The following NEBL variants were observed in gnomAD, a reference collection of about 807,000 sequenced individuals.
NEBL encodes the protein LIM and SH3 protein 2.
NEBL carries 122 observed loss-of-function variants against 140.2 expected under a neutral mutation model. That is an observed-to-expected ratio of 0.87 (90% CI 0.75 to 1.01). The LOEUF is 1.01. Ranked by LOEUF, NEBL falls within the 50% of genes least tolerant of loss-of-function variation. The pLI, the probability that NEBL is intolerant of heterozygous loss-of-function variation, is 0.00. For missense variants in NEBL, 1,365 were observed against 1,231.3 expected (o/e 1.11, Z -1.62); for synonymous variants, 436 against 398.9 (o/e 1.09, Z -1.11).
chr10:21,202,884 A>G (rs996560017), intron 3 of NEBL, among the ~76,000 whole-genome samples: 2 of 152,252 alleles, frequency 1.3e-5, no homozygotes, highest in Non-Finnish European at 2.9e-5. Flanking sequence ...ACTAAGTACT[A>G]GTAGCATCAG....
chr10:21,020,068 T>C, intron 3 of NEBL: 2 of 1,486,272 alleles, frequency 1.3e-6, no homozygotes, highest in East Asian at 4.5e-5. Flanking sequence ...AGCAGCCTTG[T>C]GAAAAATCTT....
At chr10:20,940,766 C>T (rs1289528139) in intron 4 of NEBL, among the ~76,000 whole-genome samples, 4 of 151,700 alleles carry the variant, frequency 2.6e-5, no homozygotes, top group Non-Finnish European at 5.9e-5. Context: ...CACCACCAAT[C>T]CCACAGAAAT....
chr10:20,872,745 C>T (rs1487503259), intron 5 of NEBL, among the ~76,000 whole-genome samples: 2 of 152,180 alleles, frequency 1.3e-5, no homozygotes, highest in Non-Finnish European at 2.9e-5. Flanking sequence ...AAGATGGCGA[C>T]GAGAGTGACC....
intron 4 of NEBL, among the ~76,000 whole-genome samples, chr10:20,955,968 C>T (rs987724544): frequency 1.3e-5 from 2 of 151,026 alleles, no homozygotes; most frequent in Admixed American, 1.3e-4. Context: ...TCTTCTCAAA[C>T]CTCCCCTTTA....
intron 2 of NEBL, among the ~76,000 whole-genome samples, chr10:21,248,747 T>C (rs147262705): frequency 6.9e-4 from 105 of 152,324 alleles, no homozygotes; most frequent in Middle Eastern, 3.4e-3. Context: ...CACCATACCA[T>C]TTTCCATGGC....
chr10:21,286,309 T>A (rs778577555), intron 1 of NEBL, among the ~76,000 whole-genome samples: 40 of 152,230 alleles, frequency 2.6e-4, no homozygotes, highest in Non-Finnish European at 5.3e-4. Flanking sequence ...TTAATAACAT[T>A]CTTTGTAGCC....
At chr10:20,881,254 A>G (rs1564416168) in intron 4 of NEBL, among the ~76,000 whole-genome samples, 1 of 152,234 alleles carries the variant, frequency 6.6e-6, no homozygotes, top group Non-Finnish European at 1.5e-5. Flanking sequence ...ACAACTAAGT[A>G]GAGGGGAATT....
intron 3 of NEBL, among the ~76,000 whole-genome samples, chr10:20,965,039 G>A (rs919668760): frequency 6.6e-6 from 1 of 152,192 alleles, no homozygotes; most frequent in Non-Finnish European, 1.5e-5. Context: ...TCCTATGTAT[G>A]TTACAAGATG....
chr10:21,101,722 G>T (rs1281961855), intron 2 of NEBL, among the ~76,000 whole-genome samples: 1 of 152,080 alleles, frequency 6.6e-6, no homozygotes, highest in Non-Finnish European at 1.5e-5. Context: ...AGCTCTTCCA[G>T]ACCCAAGGAG....
Position 21,018,642 on chromosome 10 carries a change from G to C in NEBL, c.249+1475C>G, listed in dbSNP as rs1838654447. 2.0e-5 allele frequency among the ~76,000 whole-genome samples: 3 copies of C among 152,228 alleles called. No homozygotes were observed. In the South Asian group the frequency reaches 6.2e-4, roughly 32 times the overall value. On this transcript the variant is annotated intron_variant, in intron 3 of 6. Coordinates refer to the NEBL transcript ENST00000417816. Reference sequence around the variant, plus strand: ...GAAGTGATCCCAAGTCCCCCAGAAAGAGACTACAGGCAACTGCAACCTCCC... The same window carrying C: ...GAAGTGATCCCAAGTCCCCCAGAAACAGACTACAGGCAACTGCAACCTCCC...
intron 2 of NEBL, among the ~76,000 whole-genome samples, chr10:21,063,262 C>A (rs1835381902): frequency 1.3e-5 from 2 of 152,170 alleles, no homozygotes; most frequent in South Asian, 4.1e-4. Context: ...GGCCCACGTG[C>A]TCACTTGTCA....
At chr10:21,147,245 A>C (rs915719650) in intron 2 of NEBL, among the ~76,000 whole-genome samples, 4 of 152,034 alleles carry the variant, frequency 2.6e-5, no homozygotes, top group Admixed American at 6.6e-5. Flanking sequence ...CCTGCCTCTC[A>C]ACAAGGTCTC....
chr10:20,986,572 T>C (rs1441611847), intron 3 of NEBL, among the ~76,000 whole-genome samples: 1 of 152,142 alleles, frequency 6.6e-6, no homozygotes, highest in Non-Finnish European at 1.5e-5. Flanking sequence ...ATACCTAAAA[T>C]CCCTTTCAAA....
chr10:20,967,999 T>C (rs888787223), intron 3 of NEBL, among the ~76,000 whole-genome samples: 79 of 152,082 alleles, frequency 5.2e-4, no homozygotes, highest in African/African-American at 1.8e-3. Context: ...GTAATTCAGT[T>C]GATATTTTCA....
At chr10:21,044,411 A>T (rs1394915840) in intron 2 of NEBL, among the ~76,000 whole-genome samples, 2 of 147,748 alleles carry the variant, frequency 1.4e-5, no homozygotes, top group East Asian at 3.9e-4. Context: ...AAAAAAAAAA[A>T]AAAAAAAAAA....
intron 12 of NEBL, 21 bp from the exon 13 acceptor site, chr10:20,840,870 A>G (rs1284224354): frequency 7.3e-7 from 1 of 1,367,758 alleles, no homozygotes; most frequent in Admixed American, 1.7e-5. Context: ...AGAATATCAC[A>G]GTTCAAAACT....
intron 11 of NEBL, 64 bp downstream of exon 11, chr10:20,850,331 G>T: frequency 1.6e-6 from 2 of 1,285,128 alleles, no homozygotes; most frequent in Non-Finnish European, 2.3e-6. Context: ...AACATTCTGC[G>T]TCCTTTCAAA....
At chr10:20,963,708 G>C (rs1287862314) in intron 3 of NEBL, among the ~76,000 whole-genome samples, 3 of 152,130 alleles carry the variant, frequency 2.0e-5, no homozygotes, top group Admixed American at 6.5e-5. Context: ...TAGAATCACA[G>C]GTTTTGAGCT....
intron 2 of NEBL, chr10:21,069,953 C>T (rs1408858485): frequency 2.2e-6 from 1 of 455,970 alleles, no homozygotes; most frequent in Non-Finnish European, 4.4e-6. Flanking sequence ...CATGTACTTA[C>T]AGCGGCTTAG....
Sources: allele counts gnomAD v4.1 joint callset (sites outside exome capture counted in the v4.1 genomes callset), GRCh38; gene constraint gnomAD v4.1.1; transcripts MANE v1.5; gene names NCBI Gene and HGNC (gene_info 2026-07-23, HGNC 2026-07-21).